Variants in NFASC observed in about 807,000 individuals in gnomAD.
The protein encoded by NFASC is neurofascin homolog.
A neutral mutation model predicts 147.5 loss-of-function variants in NFASC; 43 were observed. The ratio of observed to expected loss-of-function variants is 0.29; its 90% CI spans 0.23 to 0.38. NFASC has a LOEUF of 0.38. Ranked by LOEUF, NFASC falls within the 10% of genes least tolerant of loss-of-function variation. NFASC has a pLI of 1.00. For synonymous variants in NFASC, 622 were observed against 665.5 expected (o/e 0.93, Z 1.01); for missense variants, 1,320 against 1,689.0 (o/e 0.78, Z 3.83).
Position 204,987,269 on chromosome 1 carries a change from A to G in NFASC, c.2471-149A>G. On this transcript the variant is annotated intron_variant, in intron 21 of 29. Coordinates refer to ENST00000339876, the MANE Select transcript of NFASC (RefSeq NM_001005388.3). This position sits in a 1 kb window ranked among gnomAD's most constrained non-coding sequence, Gnocchi z 4.4. Reference sequence around the variant, plus strand: ...TGGGGCAATGGGCTCCGGTCGTCTCACGGTTCTCCCAGGCTTCAGTTTAGC... The same window carrying G: ...TGGGGCAATGGGCTCCGGTCGTCTCGCGGTTCTCCCAGGCTTCAGTTTAGC... 1.4e-6 allele frequency: 1 copy of G among 722,372 alleles called. No homozygotes were observed. The allele number at this position is 722,372 out of a possible 1,614,324, so 44.7% of individuals were successfully genotyped here.
At chr1:204,980,293 T>C (rs1375356941) in intron 19 of NFASC, 77 bp from the exon 20 acceptor site, 1 of 1,079,566 alleles carries the variant, frequency 9.3e-7, no homozygotes, top group Non-Finnish European at 1.4e-6. Flanking sequence ...ACCCATCAGG[T>C]AGGACAGAGG....
chr1:204,968,374 G>A lies in NFASC; in HGVS notation c.818+14G>A, dbSNP rs1262005795. 1.3e-6 allele frequency: 2 copies of A among 1,597,674 alleles called. No homozygotes were observed. The highest frequency in any genetic ancestry group is 1.7e-5 in the Admixed American group (1 of 60,002). On this transcript the variant is annotated intron_variant, in intron 9 of 29. Coordinates refer to ENST00000339876, the MANE Select transcript of NFASC (RefSeq NM_001005388.3). This position sits in a 1 kb window ranked among gnomAD's most constrained non-coding sequence, Gnocchi z 5.4. ...CGCCTCCGGGGTGTATGTGCGGTTT[G>A]CAGCCCCTCTTCTAGCCACCCTCCA...
chr1:204,957,527 T>C (rs2094484779), intron 7 of NFASC, 129 bp from the exon 8 acceptor site: 1 of 758,340 alleles, frequency 1.3e-6, no homozygotes, highest in Middle Eastern at 2.7e-4. Flanking sequence ...GTTGAGAGGA[T>C]TAGACCAAGT....
chr1:205,005,520 G>A lies in NFASC; in HGVS notation c.3289+2772G>A, dbSNP rs147971095. On this transcript the variant is annotated intron_variant, in intron 27 of 29. Transcript: ENST00000339876. Reference sequence around the variant, plus strand: ...ACAGCTGAGAGTGGCAAGTGTAAACGCACCCTGGTCTTTGCACACAGATAT... The same window carrying A: ...ACAGCTGAGAGTGGCAAGTGTAAACACACCCTGGTCTTTGCACACAGATAT... 2.3e-3 allele frequency among the ~76,000 whole-genome samples: 350 copies of A among 152,276 alleles called. 3 individuals carry two copies. The highest frequency in any genetic ancestry group is 7.8e-3 in the African/African-American group (325 of 41,546).
intron 1 of NFASC, among the ~76,000 whole-genome samples, chr1:204,910,865 A>G (rs1318100445): frequency 6.6e-6 from 1 of 151,972 alleles, no homozygotes; most frequent in African/African-American, 2.4e-5. Flanking sequence ...TGTGTAGACC[A>G]TCATAGTATC....
At position 204,952,257 on chromosome 1, in the gene NFASC, A is replaced by G. The variant is rs534326245; in HGVS notation, c.215+141A>G. On this transcript the variant is annotated intron_variant, in intron 5 of 29. Transcript: ENST00000339876. The stretch of plus-strand genomic sequence containing the variant: ...ATTAGGCACCTACTAGGTGGAAGGC[A>G]TAATTGAGGTACCAGGAAATTTTGC... 59 of 650,220 alleles carry G rather than the reference A, an allele frequency of 9.1e-5. No individual in the cohort carries two copies. The East Asian group carries it at 1.5e-3, about 17-fold the overall frequency. The allele number at this position is 650,220 out of a possible 1,614,324, so 40.3% of individuals were successfully genotyped here. A position where few individuals can be genotyped will look rare whatever the true frequency, so the allele number is the denominator to read the frequency against.
At chr1:204,874,796 A>G (rs939301321) in intron 1 of NFASC, among the ~76,000 whole-genome samples, 5 of 152,170 alleles carry the variant, frequency 3.3e-5, no homozygotes, top group African/African-American at 9.7e-5. Flanking sequence ...CCCCACATTT[A>G]TAATCACTTC....
chr1:204,842,011 T>A (rs1675504789), intron 1 of NFASC, among the ~76,000 whole-genome samples: 1 of 152,206 alleles, frequency 6.6e-6, no homozygotes, highest in Admixed American at 6.5e-5. Flanking sequence ...GGAGCCCCAG[T>A]CCAGGTGCTT....
intron 2 of NFASC, among the ~76,000 whole-genome samples, chr1:204,925,163 A>C (rs1348887971): frequency 6.6e-6 from 1 of 152,180 alleles, no homozygotes; most frequent in Non-Finnish European, 1.5e-5. Flanking sequence ...CGAAGAAAGG[A>C]CCAATAGTTT....
intron 8 of NFASC, chr1:204,962,176 C>T: frequency 6.2e-7 from 1 of 1,608,172 alleles, no homozygotes; most frequent in Admixed American, 1.7e-5. Context: ...GCAGCGGTAA[C>T]CTTGGGAGTA....
intron 21 of NFASC, among the ~76,000 whole-genome samples, chr1:204,984,627 A>T (rs1329722551): frequency 6.7e-6 from 1 of 148,846 alleles, no homozygotes; most frequent in Non-Finnish European, 1.5e-5. Flanking sequence ...CTCCTAAGCC[A>T]CAACTAACAG....
chr1:204,855,513 G>A (rs2076077120), intron 1 of NFASC, among the ~76,000 whole-genome samples: 1 of 152,178 alleles, frequency 6.6e-6, no homozygotes, highest in Non-Finnish European at 1.5e-5. Context: ...GGTGAGATAT[G>A]GGGAGGAGGA....
At chr1:204,900,844 T>G (rs2084407693) in intron 1 of NFASC, among the ~76,000 whole-genome samples, 1 of 148,700 alleles carries the variant, frequency 6.7e-6, no homozygotes, top group South Asian at 2.1e-4. Flanking sequence ...AACAGATTAG[T>G]TTTTTTTTTC....
chr1:204,928,261 T>A (rs965102628), intron 2 of NFASC, among the ~76,000 whole-genome samples: 17 of 152,164 alleles, frequency 1.1e-4, no homozygotes, highest in African/African-American at 4.1e-4. Flanking sequence ...ATCTTTTCCA[T>A]TTCATGCATG....
At chr1:204,902,158 G>A (rs2084777007) in intron 1 of NFASC, among the ~76,000 whole-genome samples, 1 of 152,168 alleles carries the variant, frequency 6.6e-6, no homozygotes, top group African/African-American at 2.4e-5. Flanking sequence ...AGTTGGGCAT[G>A]GTGATACACA....
At chr1:204,981,464 AT>A (rs2095507900) in intron 20 of NFASC, among the ~76,000 whole-genome samples, 2 of 152,222 alleles carry the variant, frequency 1.3e-5, no homozygotes, top group Non-Finnish European at 2.9e-5. Context: ...TTTTGTCTAT[AT>A]TTTGCTTTAT....
In NFASC at chr1:204,986,115, G is replaced by A. The variant is rs2095609548; in HGVS notation, c.2471-1303G>A. 1.2e-6 allele frequency: 2 copies of A among 1,612,180 alleles called. No individual in the cohort carries two copies. The highest frequency in any genetic ancestry group is 1.7e-6 in the Non-Finnish European group (2 of 1,178,292). The stretch of plus-strand genomic sequence containing the variant: ...AAGGAGTTCACCACCCCGGAAGGAG[G>A]TAGGTCTGGCCTGCAGCTCTTCAGG... On this transcript the variant is annotated intron_variant, in intron 21 of 29. Coordinates refer to ENST00000339876, the MANE Select transcript of NFASC (RefSeq NM_001005388.3). The surrounding 1 kb of genome is among the most constrained non-coding windows in gnomAD (Gnocchi z 4.2).
Position 204,977,665 on chromosome 1 carries a change from C to T in NFASC, c.1832-16C>T, listed in dbSNP as rs748507816. 8.1e-6 allele frequency: 13 copies of T among 1,606,690 alleles called. No individual in the cohort carries two copies. Among genetic ancestry groups the T allele is most frequent in the African/African-American group, 6.7e-5 (5 of 74,828 alleles). On this transcript the variant is annotated splice_polypyrimidine_tract_variant and intron_variant, in intron 16 of 29. Coordinates refer to ENST00000339876, the MANE Select transcript of NFASC (RefSeq NM_001005388.3). ...GGATAACCTGCTAACCTGGATAACC[C>T]GTCTTACCTTTGCAGCTGATCAGGC...
chr1:204,858,029 C>A (rs968489218), intron 1 of NFASC, among the ~76,000 whole-genome samples: 1 of 149,974 alleles, frequency 6.7e-6, no homozygotes, highest in African/African-American at 2.5e-5. Flanking sequence ...AAGCAATTCT[C>A]CTGTCTCAGC....
Sources: allele counts gnomAD v4.1 joint callset (sites outside exome capture counted in the v4.1 genomes callset), GRCh38; gene constraint gnomAD v4.1.1; non-coding constraint Gnocchi (gnomAD v3.1); transcripts MANE v1.5; gene names NCBI Gene and HGNC (gene_info 2026-07-23, HGNC 2026-07-21).